Variants in RUNX2 observed in about 807,000 individuals in gnomAD.
RUNX2 encodes the protein runt-related transcription factor 2.
Under a neutral mutation model 51.7 loss-of-function variants are expected in RUNX2, and 10 were observed. That is an observed-to-expected ratio of 0.19 (90% CI 0.12 to 0.33). RUNX2 has a LOEUF of 0.33. RUNX2 is among the 10% of genes least tolerant of loss of function. The probability of loss-of-function intolerance (pLI) is 1.00; values close to 1 mark genes in which losing one functional copy is unlikely to be tolerated. For synonymous variants in RUNX2, 276 were observed against 273.6 expected, an observed-to-expected ratio of 1.01 and a Z score of -0.09; for missense variants, 562 against 691.3, an observed-to-expected ratio of 0.81 and a Z score of 2.10.
intron 7 of RUNX2, among the ~76,000 whole-genome samples, chr6:45,522,501 G>A (rs553124121): frequency 1.3e-4 from 20 of 152,130 alleles, no homozygotes; most frequent in East Asian, 1.9e-4. Context: ...CAACAATTAC[G>A]TTTTCAACTT....
In RUNX2 at chr6:45,473,662, A is replaced by C. The variant is rs75997158; in HGVS notation, c.686-18279A>C. On this transcript the variant is annotated intron_variant, in intron 5 of 8. Coordinates refer to ENST00000647337, the MANE Select transcript of RUNX2 (RefSeq NM_001024630.4). ...ACCACACAGAATGGGTTTCACTGAA[A>C]GTAATAGAGTGAAATTGTCTGCATA... Among the ~76,000 whole-genome samples, 963 of 152,364 alleles carry C rather than the reference A, an allele frequency of 6.3e-3. 9 individuals are homozygous for C. The highest frequency in any genetic ancestry group is 0.022 in the African/African-American group (901 of 41,588).
intron 5 of RUNX2, among the ~76,000 whole-genome samples, chr6:45,467,254 C>T (rs1357620292): frequency 6.6e-6 from 1 of 152,046 alleles, no homozygotes; most frequent in Non-Finnish European, 1.5e-5. Context: ...TCCTCTTTCT[C>T]TTTTGCTTTA....
intron 7 of RUNX2, among the ~76,000 whole-genome samples, chr6:45,533,785 C>T (rs562093231): frequency 2.3e-4 from 35 of 151,996 alleles, no homozygotes; most frequent in South Asian, 1.7e-3. Context: ...TGGATATAAA[C>T]ATCCAGTGCG....
chr6:45,420,427 G>A (rs958135871), intron 2 of RUNX2, among the ~76,000 whole-genome samples: 1 of 152,204 alleles, frequency 6.6e-6, no homozygotes, highest in Admixed American at 6.5e-5. Context: ...TGAGGGAGGC[G>A]TTTGCACTGA....
intron 5 of RUNX2, among the ~76,000 whole-genome samples, chr6:45,446,708 C>T (rs1474187104): frequency 6.6e-6 from 1 of 152,106 alleles, no homozygotes; most frequent in Non-Finnish European, 1.5e-5. Flanking sequence ...CCTGTCCATA[C>T]CTAGCATTTT....
chr6:45,456,618 T>G (rs1799327418), intron 5 of RUNX2, among the ~76,000 whole-genome samples: 1 of 152,228 alleles, frequency 6.6e-6, no homozygotes. Context: ...CTAAGCATGC[T>G]TTGAGGGTCT....
chr6:45,472,072 T>G (rs954265458), intron 5 of RUNX2, among the ~76,000 whole-genome samples: 1 of 152,208 alleles, frequency 6.6e-6, no homozygotes, highest in Non-Finnish European at 1.5e-5. Flanking sequence ...AACTGAAGCT[T>G]GTTTGATAGT....
At chr6:45,440,042 C>A (rs1011787395) in intron 5 of RUNX2, among the ~76,000 whole-genome samples, 2 of 152,114 alleles carry the variant, frequency 1.3e-5, no homozygotes, top group African/African-American at 4.8e-5. Context: ...CCAGGGTGGG[C>A]GGTGGAAGCA....
At chr6:45,514,937 GTTTT>G (rs60322978) in intron 7 of RUNX2, among the ~76,000 whole-genome samples, 1 of 141,238 alleles carries the variant, frequency 7.1e-6, no homozygotes, top group Non-Finnish European at 1.6e-5. Flanking sequence ...TTTAATTTGG[GTTTT>G]TTTTTTTTTT....
chr6:45,535,387 G>A (rs968015408), intron 7 of RUNX2, among the ~76,000 whole-genome samples: 3 of 152,026 alleles, frequency 2.0e-5, no homozygotes, highest in Admixed American at 6.6e-5. Context: ...GGCAGATCAC[G>A]AGGTCAGGAG....
At chr6:45,373,768 G>A (rs1368238813) in intron 2 of RUNX2, among the ~76,000 whole-genome samples, 1 of 152,022 alleles carries the variant, frequency 6.6e-6, no homozygotes, top group South Asian at 2.1e-4. Context: ...GGCCAGTCTG[G>A]TCTCCAACTC....
intron 7 of RUNX2, among the ~76,000 whole-genome samples, chr6:45,530,399 C>G (rs756162712): frequency 2.0e-5 from 3 of 152,160 alleles, no homozygotes; most frequent in Admixed American, 1.3e-4. Flanking sequence ...CAAGTAAGTT[C>G]CAACAAGTGT....
chr6:45,477,166 C>T (rs140541837), intron 5 of RUNX2, among the ~76,000 whole-genome samples: 13 of 152,284 alleles, frequency 8.5e-5, no homozygotes, highest in Non-Finnish European at 1.3e-4. Flanking sequence ...CCGCCACTGG[C>T]TCCTCATCTT....
At chr6:45,448,329 G>A (rs752338383) in intron 5 of RUNX2, among the ~76,000 whole-genome samples, 12 of 152,182 alleles carry the variant, frequency 7.9e-5, no homozygotes, top group South Asian at 4.1e-4. Flanking sequence ...CTGAGCAACC[G>A]GAGCAGGAAT....
chr6:45,491,938 C>T lies in RUNX2; in HGVS notation c.686-3C>T. Reference sequence around the variant, plus strand: ...CTTTTATTTTATGATTTGCTATTTCCAGGGCACAGACAGAAGCTTGATGAC... The same window carrying T: ...CTTTTATTTTATGATTTGCTATTTCTAGGGCACAGACAGAAGCTTGATGAC... On this transcript the variant is annotated splice_region_variant and splice_polypyrimidine_tract_variant and intron_variant, in intron 5 of 8. Coordinates refer to ENST00000647337, the MANE Select transcript of RUNX2 (RefSeq NM_001024630.4). 6.2e-7 allele frequency: 1 copy of T among 1,613,506 alleles called. No homozygotes were observed. The highest frequency in any genetic ancestry group is 8.5e-7 in the Non-Finnish European group (1 of 1,179,710).
chr6:45,432,653 C>A (rs1250252733), intron 4 of RUNX2, among the ~76,000 whole-genome samples: 1 of 152,086 alleles, frequency 6.6e-6, no homozygotes, highest in Non-Finnish European at 1.5e-5. Context: ...TTCCCATCAT[C>A]TGAATCCATA....
chr6:45,422,799 G>T lies in RUNX2; in HGVS notation c.265G>T (p.Ala89Ser). 2 of 1,571,046 alleles carry T rather than the reference G, an allele frequency of 1.3e-6. No homozygotes were observed. Among genetic ancestry groups the T allele is most frequent in the Non-Finnish European group, 1.7e-6 (2 of 1,163,488 alleles). ...GGCGGCGGCTGCGGCGGCGGCAGCT[G>T]CAGTGCCCCGGTTGCGGCCGCCCCA... ...AAAAAAAAAA[A>S]VPRLRPPHDN... The change falls in exon 3 of 9, where the codon GCA (alanine) becomes TCA (serine). Residue 89 changes from alanine (A) to serine (S), a missense_variant. Physicochemically the swap from Ala to Ser is moderately conservative, Grantham distance 99. Transcript: ENST00000647337.
chr6:45,382,245 G>A (rs972903971), intron 2 of RUNX2, among the ~76,000 whole-genome samples: 5 of 152,220 alleles, frequency 3.3e-5, no homozygotes, highest in African/African-American at 1.2e-4. Flanking sequence ...AGATAGAGCA[G>A]TGAACAAAAC....
chr6:45,399,689 C>T (rs1445673207), intron 2 of RUNX2, among the ~76,000 whole-genome samples: 1 of 150,772 alleles, frequency 6.6e-6, no homozygotes, highest in Non-Finnish European at 1.5e-5. Flanking sequence ...TTCTTTCACT[C>T]TCCAAAGAAA....
Sources: allele counts gnomAD v4.1 joint callset (sites outside exome capture counted in the v4.1 genomes callset), GRCh38; gene constraint gnomAD v4.1.1; transcripts MANE v1.5; gene names NCBI Gene and HGNC (gene_info 2026-07-23, HGNC 2026-07-21).